The following AKAP9 variants were observed in gnomAD, a reference collection of about 807,000 sequenced individuals.
AKAP9 encodes A-kinase anchor protein 9.
Under a neutral mutation model 488.5 loss-of-function variants are expected in AKAP9, and 311 were observed. That is an observed-to-expected ratio of 0.64 (90% CI 0.58 to 0.70). The LOEUF (loss-of-function observed/expected upper bound fraction) is 0.70. Among genes scored for constraint, AKAP9 ranks in the 30% least tolerant of loss-of-function variants. AKAP9 has a pLI of 0.00. For missense variants in AKAP9, 4,215 were observed against 4,374.5 expected, an observed-to-expected ratio of 0.96 and a Z score of 1.03; for synonymous variants, 1,462 against 1,483.5, an observed-to-expected ratio of 0.99 and a Z score of 0.33.
rs1017919431 is a variant in AKAP9 at position 92,029,933 on chromosome 7, C to A, written c.4187C>A (p.Ala1396Glu). The part of the protein sequence containing the change: ...VDSVVITESD[A>E]QRTMYPGSCV... ...TCGGTGGTAATTACAGAATCTGATG[C>A]ACAGAGAACAATGTACCCTGGAAGT... The change falls in exon 15 of 50, where the codon GCA becomes GAA. Residue 1396 changes from alanine (A) to glutamate (E), a missense_variant. By Grantham distance (107) the Ala-to-Glu change is moderately radical. This residue lies in a region of AKAP9 where 2,361 missense variants were observed against 2,430.0 expected (regional missense o/e 0.97). Coordinates refer to ENST00000356239, the MANE Select transcript of AKAP9 (RefSeq NM_005751.5). 6.2e-7 allele frequency: 1 copy of A among 1,612,868 alleles called. No individual in the cohort carries two copies. Among genetic ancestry groups the A allele is most frequent in the Non-Finnish European group, 8.5e-7 (1 of 1,179,276 alleles).
chr7:92,062,612 T>G, intron 24 of AKAP9, 126 bp downstream of exon 24: 3 of 803,294 alleles, frequency 3.7e-6, no homozygotes, highest in Admixed American at 5.4e-5. Context: ...ATTTAAAAAA[T>G]TATAAGAAAA....
In AKAP9 at chr7:92,084,830, G is replaced by T; in HGVS notation, c.8722G>T (p.Asp2908Tyr). ...TTTCTTTATTTTAGATTCTGGATCA[G>T]ACTGGGGTCAGGGAATTTATCTTAC... ...REICSSDSGS[D>Y]WGQGIYLTHS... The change falls in exon 35 of 50, where the codon GAC becomes TAC. Residue 2908 changes from aspartate to tyrosine, a missense_variant. By Grantham distance (160) the Asp-to-Tyr change is radical (BLOSUM62 -3). Transcript: ENST00000356239. The T allele has an allele frequency of 6.2e-7, 1 of 1,612,928 alleles. No homozygotes were observed. Among genetic ancestry groups the T allele is most frequent in the South Asian group, 1.1e-5 (1 of 90,964 alleles).
At chr7:92,086,131 A>G in intron 36 of AKAP9, 97 bp from the exon 37 acceptor site, 1 of 1,022,442 alleles carries the variant, frequency 9.8e-7, no homozygotes, top group Non-Finnish European at 1.5e-6. Flanking sequence ...ACATGCTCCT[A>G]GGCTTTTAAT....
At chr7:92,056,433 A>G (rs1203844784) in intron 22 of AKAP9, among the ~76,000 whole-genome samples, 1 of 151,846 alleles carries the variant, frequency 6.6e-6, no homozygotes, top group Non-Finnish European at 1.5e-5. Context: ...CTATCTGCCA[A>G]AGCCCCACTA....
intron 8 of AKAP9, among the ~76,000 whole-genome samples, chr7:92,008,542 C>G (rs998992912): frequency 1.3e-5 from 2 of 151,100 alleles, no homozygotes; most frequent in South Asian, 4.2e-4. Flanking sequence ...AAAAAATCAG[C>G]TAGGCATGGT....
intron 32 of AKAP9, among the ~76,000 whole-genome samples, chr7:92,082,871 A>G (rs1333786628): frequency 6.6e-6 from 1 of 152,180 alleles, no homozygotes; most frequent in Non-Finnish European, 1.5e-5. Flanking sequence ...TTAGGAGGAT[A>G]CTTTTTATTT....
intron 8 of AKAP9, among the ~76,000 whole-genome samples, chr7:92,010,574 C>T (rs2130697211): frequency 6.6e-6 from 1 of 152,316 alleles, no homozygotes; most frequent in East Asian, 1.9e-4. Flanking sequence ...CAAACCCTGG[C>T]ACTTAAACTC....
At chr7:91,983,243 G>A (rs1229781863) in intron 3 of AKAP9, among the ~76,000 whole-genome samples, 1 of 151,902 alleles carries the variant, frequency 6.6e-6, no homozygotes, top group Non-Finnish European at 1.5e-5. Flanking sequence ...GATGTTCCCT[G>A]CCCTGTGTCC....
intron 31 of AKAP9, 29 bp from the exon 32 acceptor site, chr7:92,082,491 ATG>A (rs1563110003): frequency 1.2e-6 from 2 of 1,608,424 alleles, no homozygotes; most frequent in Admixed American, 3.3e-5. Flanking sequence ...TTTTTAAATT[ATG>A]TGTTTCTTGT....
rs748552666 is a variant in AKAP9, at chr7:92,042,106, C to A, written c.4978C>A (p.Leu1660Met). The A allele has an allele frequency of 1.4e-5, 22 of 1,613,882 alleles. No individual in the cohort carries two copies. The highest frequency in any genetic ancestry group is 1.8e-5 in the Non-Finnish European group (21 of 1,179,932). Residue 1660 changes from leucine (L) to methionine (M), a missense_variant, in exon 19 of 50, where the codon CTG becomes ATG. Physicochemically the swap from Leu to Met is conservative, Grantham distance 15 (BLOSUM62 2). Coordinates refer to ENST00000356239, the MANE Select transcript of AKAP9 (RefSeq NM_005751.5). ...SERERVLLEE[L>M]EALKQLSLAG... The stretch of plus-strand genomic sequence containing the variant: ...GAGAGAGAGGGTGCTTTTAGAGGAG[C>A]TGGAAGCACTAAAGCAGCTGTCTTT...
intron 21 of AKAP9, among the ~76,000 whole-genome samples, chr7:92,047,185 T>C (rs1305827995): frequency 3.9e-5 from 6 of 152,170 alleles, no homozygotes; most frequent in Admixed American, 1.3e-4. Context: ...ACATGAAATA[T>C]GTATATCCTA....
At chr7:92,004,824 G>C (rs905715548) in intron 8 of AKAP9, among the ~76,000 whole-genome samples, 2 of 152,142 alleles carry the variant, frequency 1.3e-5, no homozygotes, top group East Asian at 3.9e-4. Flanking sequence ...TCTCCTGCCT[G>C]ATTTCCCTGG....
intron 3 of AKAP9, among the ~76,000 whole-genome samples, chr7:91,989,467 A>G (rs1233790395): frequency 6.6e-6 from 1 of 152,078 alleles, no homozygotes; most frequent in Non-Finnish European, 1.5e-5. Context: ...TATTTACATG[A>G]ATTGTTTTTG....
Position 92,093,149 on chromosome 7 carries a change from A to G in AKAP9, c.9411A>G (p.Gln3137=). The G allele has an allele frequency of 3.7e-6, 6 of 1,614,210 alleles. No homozygotes were observed. The highest frequency in any genetic ancestry group is 5.1e-6 in the Non-Finnish European group (6 of 1,180,038). ...QQKQSQMLEM[Q]VELSSMKDRA... The stretch of plus-strand genomic sequence containing the variant: ...AGCAGTCTCAAATGCTGGAGATGCA[A>G]GTGGAGCTCAGCAGTATGAAAGACA... Residue 3137 remains glutamine (Q), a synonymous_variant, in exon 39 of 50, where the codon CAA becomes CAG. Transcript: ENST00000356239.
chr7:92,035,399 GAA>G (rs1230678313), intron 16 of AKAP9, among the ~76,000 whole-genome samples: 1 of 152,142 alleles, frequency 6.6e-6, no homozygotes, highest in Non-Finnish European at 1.5e-5. Flanking sequence ...ATGTGTACTT[GAA>G]AAGAGTATGT....
At chr7:91,943,132 G>C (rs1019343524) in intron 1 of AKAP9, among the ~76,000 whole-genome samples, 2 of 151,982 alleles carry the variant, frequency 1.3e-5, no homozygotes, top group African/African-American at 4.8e-5. Flanking sequence ...CCAGGAGTTC[G>C]AGGCTGCAGT....
chr7:91,987,420 G>A (rs190989307), intron 3 of AKAP9, among the ~76,000 whole-genome samples: 1,810 of 139,496 alleles, frequency 0.013, 40 homozygotes, highest in African/African-American at 0.045. Context: ...ATTCTATCTC[G>A]AAAAAAAAAA....
chr7:92,044,831 G>A (rs1373659095), intron 20 of AKAP9, among the ~76,000 whole-genome samples, 177 bp from the exon 21 acceptor site: 1 of 151,674 alleles, frequency 6.6e-6, no homozygotes, highest in African/African-American at 2.4e-5. Flanking sequence ...TTATAATATA[G>A]TTACAAATAA....
At chr7:91,975,921 G>GTTTTTTTT (rs1186917564) in intron 2 of AKAP9, among the ~76,000 whole-genome samples, 1 of 111,696 alleles carries the variant, frequency 9.0e-6, no homozygotes, top group Non-Finnish European at 1.9e-5. Context: ...TTGTTTGTTT[G>GTTTTTTTT]TTTGTTTTTT....
Sources: gnomAD v4.1 joint callset for allele counts (sites outside exome capture counted in the v4.1 genomes callset) on GRCh38, gnomAD v4.1.1 for gene constraint, gnomAD v4.1.1 regional missense constraint, MANE v1.5 for transcripts, NCBI Gene and HGNC (gene_info 2026-07-23, HGNC 2026-07-21) for gene names.